Variants in TMEM131L observed in about 807,000 individuals in gnomAD.
The protein encoded by TMEM131L is transmembrane protein 131-like.
Under a neutral mutation model 192.2 loss-of-function variants are expected in TMEM131L, and 54 were observed. That is an observed-to-expected ratio of 0.28 (90% CI 0.23 to 0.35). The LOEUF (loss-of-function observed/expected upper bound fraction) is 0.35, where lower values mean the gene tolerates loss of function less well. TMEM131L is among the 10% of genes least tolerant of loss of function. The pLI, the probability that TMEM131L is intolerant of heterozygous loss-of-function variation, is 1.00. For missense variants in TMEM131L, 1,888 were observed against 1,972.9 expected (o/e 0.96, Z 0.82); for synonymous variants, 701 against 704.9 (o/e 0.99, Z 0.09).
At chr4:153,591,747 G>T (rs1331663382) in intron 17 of TMEM131L, among the ~76,000 whole-genome samples, 1 of 152,134 alleles carries the variant, frequency 6.6e-6, no homozygotes, top group Non-Finnish European at 1.5e-5. Flanking sequence ...CTTATCAGGT[G>T]CTCATAGATT....
intron 3 of TMEM131L, among the ~76,000 whole-genome samples, chr4:153,494,885 G>A (rs936459608): frequency 1.3e-5 from 2 of 152,172 alleles, no homozygotes; most frequent in East Asian, 1.9e-4. Flanking sequence ...GTGACCTGCC[G>A]GGGCTCCTGC....
chr4:153,516,710 C>T (rs556672608), intron 3 of TMEM131L, among the ~76,000 whole-genome samples: 2 of 152,268 alleles, frequency 1.3e-5, no homozygotes, highest in South Asian at 2.1e-4. Context: ...ACTTGCCCTC[C>T]AGAAAGGTTG....
rs1177255196 is a variant in TMEM131L at position 153,563,456 on chromosome 4, C to CTTTTTTTT, written c.660+5110_660+5117dup. On this transcript the variant is annotated intron_variant, in intron 7 of 34. Transcript: ENST00000409959. ...AGCAGTGAGAAAACGGATATGTACC[C>CTTTTTTTT]TTTTTTTTTTTTTTTTTTTTTTTTT... Among the ~76,000 whole-genome samples, 20 of 88,198 alleles carry CTTTTTTTT rather than the reference C, an allele frequency of 2.3e-4. 1 individual carries two copies. Among genetic ancestry groups the CTTTTTTTT allele is most frequent in the African/African-American group, 7.9e-4 (17 of 21,512 alleles). 57.9% of individuals were successfully genotyped at this position (88,198 alleles called of 152,430 possible).
At chr4:153,480,953 G>A (rs1313050926) in intron 3 of TMEM131L, among the ~76,000 whole-genome samples, 1 of 152,126 alleles carries the variant, frequency 6.6e-6, no homozygotes, top group African/African-American at 2.4e-5. Flanking sequence ...ACCCCATCCT[G>A]TTCTCCTCAC....
rs1257629934 is a variant in TMEM131L, at chr4:153,620,832, G to A, written c.3644G>A (p.Ser1215Asn). 1.9e-6 allele frequency: 3 copies of A among 1,601,308 alleles called. No individual in the cohort carries two copies. In the African/African-American group the frequency reaches 4.0e-5, roughly 22 times the overall value. The change falls in exon 27 of 35, where the codon AGT becomes AAT. Residue 1215 changes from serine to asparagine, a missense_variant. Ser to Asn is a conservative substitution (Grantham distance 46, BLOSUM62 1). Coordinates refer to ENST00000409959, the MANE Select transcript of TMEM131L (RefSeq NM_001131007.2). ...GNLQNLNWSK[S>N]RTCRKNKKRG... ...TTACAAAATTTAAATTGGAGTAAAA[G>A]TCGAACATGTAGAAAGAACAAGAAA...
At chr4:153,576,587 A>G (rs1379995120) in intron 7 of TMEM131L, among the ~76,000 whole-genome samples, 2 of 152,128 alleles carry the variant, frequency 1.3e-5, no homozygotes, top group Admixed American at 6.5e-5. Context: ...TGAACTTTTA[A>G]CATCTTTTCA....
intron 20 of TMEM131L, among the ~76,000 whole-genome samples, chr4:153,597,162 A>T (rs554458691): frequency 6.6e-6 from 1 of 152,216 alleles, no homozygotes; most frequent in East Asian, 1.9e-4. Flanking sequence ...TACTAAAAAA[A>T]GTTAAAGTTC....
chr4:153,636,396 CA>C lies in TMEM131L; in HGVS notation c.4654del (p.Ile1552SerfsTer32). On this transcript the variant is annotated frameshift_variant, in exon 35 of 35. Coordinates refer to ENST00000409959, the MANE Select transcript of TMEM131L (RefSeq NM_001131007.2). LOFTEE classifies it high-confidence loss of function. Reference protein sequence around the residue: ...QSDVYENCCPINPTTEHSTHM... With the variant: ...QSDVYENCCPXNPTTEHSTHM... ...GCGATGTGTATGAAAATTGCTGCCCCATCAACCCCACCACGGAACATTCGAC... is the reference window on the plus strand; with the variant it reads ...GCGATGTGTATGAAAATTGCTGCCCCTCAACCCCACCACGGAACATTCGAC... 1 of 1,614,204 alleles carries C rather than the reference CA, an allele frequency of 6.2e-7. No homozygotes were observed. The highest frequency in any genetic ancestry group is 1.7e-5 in the Admixed American group (1 of 60,026).
intron 3 of TMEM131L, among the ~76,000 whole-genome samples, chr4:153,531,468 G>A (rs1735896983): frequency 6.6e-6 from 1 of 152,174 alleles, no homozygotes. Flanking sequence ...GTCAGAATGT[G>A]AACTCTACAG....
intron 3 of TMEM131L, among the ~76,000 whole-genome samples, chr4:153,522,458 G>A (rs980956505): frequency 3.9e-5 from 6 of 152,052 alleles, no homozygotes; most frequent in African/African-American, 9.7e-5. Flanking sequence ...GCAGTGCTGC[G>A]GGCAGAGGGA....
intron 3 of TMEM131L, among the ~76,000 whole-genome samples, chr4:153,527,249 C>T (rs1179165194): frequency 1.3e-5 from 2 of 151,274 alleles, no homozygotes; most frequent in Admixed American, 6.6e-5. Context: ...CATTTGGTGA[C>T]TTGTTGCCAA....
chr4:153,608,299 T>C (rs1448803435), intron 25 of TMEM131L, among the ~76,000 whole-genome samples: 1 of 152,238 alleles, frequency 6.6e-6, no homozygotes, highest in African/African-American at 2.4e-5. Context: ...CATCAACTTG[T>C]CAAACAACTA....
At chr4:153,467,089 T>G in intron 1 of TMEM131L, 122 bp from the exon 2 acceptor site, 1 of 970,368 alleles carries the variant, frequency 1.0e-6, no homozygotes, top group Non-Finnish European at 1.6e-6. Context: ...TGGCCTCTGT[T>G]CCCAGGAGGA....
intron 4 of TMEM131L, among the ~76,000 whole-genome samples, chr4:153,554,717 C>G (rs1364743732): frequency 6.6e-6 from 1 of 152,210 alleles, no homozygotes; most frequent in Non-Finnish European, 1.5e-5. Context: ...CTCTCTGCCA[C>G]TGAGGCTATT....
Position 153,604,246 on chromosome 4 carries a change from G to A in TMEM131L, c.3234G>A (p.Glu1078=), listed in dbSNP as rs1284216406. The change falls in exon 25 of 35, where the codon GAG becomes GAA. Residue 1078 remains glutamate (E), a synonymous_variant. Transcript: ENST00000409959. ...SNPSSECSMK[E]GIQTCMFPKE... ...CTTCTTCAGAATGTAGTATGAAGGAGGGAATACAGACATGTATGTTTCCTA... is the reference window on the plus strand; with the variant it reads ...CTTCTTCAGAATGTAGTATGAAGGAAGGAATACAGACATGTATGTTTCCTA... The A allele has an allele frequency of 1.2e-6, 2 of 1,614,006 alleles. No homozygotes were observed. Among genetic ancestry groups the A allele is most frequent in the South Asian group, 2.2e-5 (2 of 91,070 alleles).
rs1183557195 is a variant in TMEM131L, at chr4:153,627,598, C to G, written c.4125-7C>G. 5 of 1,612,726 alleles carry G rather than the reference C, an allele frequency of 3.1e-6. No homozygotes were observed. The Middle Eastern group carries it at 5.0e-4, about 160-fold the overall frequency. ...GAGTCGTTCCTCCTTTGCCCTCTTC[C>G]CCACAGGACCGTGAATAGTCTCCCA... On this transcript the variant is annotated splice_polypyrimidine_tract_variant and splice_region_variant and intron_variant, in intron 30 of 34. Coordinates refer to ENST00000409959, the MANE Select transcript of TMEM131L (RefSeq NM_001131007.2).
At chr4:153,583,402 T>G (rs1368497091) in intron 10 of TMEM131L, 154 bp downstream of exon 10, 1 of 751,918 alleles carries the variant, frequency 1.3e-6, no homozygotes, top group African/African-American at 1.8e-5. Flanking sequence ...GAACCTCTGT[T>G]TGTATGAAGA....
At chr4:153,522,300 T>C (rs1238393327) in intron 3 of TMEM131L, among the ~76,000 whole-genome samples, 2 of 152,212 alleles carry the variant, frequency 1.3e-5, no homozygotes, top group Non-Finnish European at 2.9e-5. Flanking sequence ...GTCAACTTTC[T>C]AAGTTCATAA....
intron 3 of TMEM131L, among the ~76,000 whole-genome samples, chr4:153,543,526 A>G (rs927577038): frequency 6.6e-6 from 1 of 152,206 alleles, no homozygotes; most frequent in Non-Finnish European, 1.5e-5. Flanking sequence ...CCAGGCAGTG[A>G]GAGCCTGGGG....
Sources: allele counts gnomAD v4.1 joint callset (sites outside exome capture counted in the v4.1 genomes callset), GRCh38; gene constraint gnomAD v4.1.1; transcripts MANE v1.5; gene names NCBI Gene and HGNC (gene_info 2026-07-23, HGNC 2026-07-21).